MYO9A: variants seen among roughly 807,000 people sequenced by gnomAD.
MYO9A encodes the protein unconventional myosin-IXa.
A neutral mutation model predicts 293.3 loss-of-function variants in MYO9A; 103 were observed. The observed-to-expected ratio is 0.35, with a 90% CI of 0.30 to 0.41. MYO9A has a LOEUF of 0.41. Among genes scored for constraint, MYO9A ranks in the 10% least tolerant of loss-of-function variants. The probability of loss-of-function intolerance (pLI) is 1.00; values close to 1 mark genes in which losing one functional copy is unlikely to be tolerated. For synonymous variants in MYO9A, 1,001 were observed against 1,035.7 expected, an observed-to-expected ratio of 0.97 and a Z score of 0.64; for missense variants, 2,685 against 3,033.0, an observed-to-expected ratio of 0.89 and a Z score of 2.69.
At position 71,854,082 on chromosome 15, in the gene MYO9A, T is replaced by C. The variant is rs191378072; in HGVS notation, c.6346+295A>G. Among the ~76,000 whole-genome samples the C allele has an allele frequency of 6.4e-3, 972 of 152,326 alleles. 9 individuals are homozygous for C. Among genetic ancestry groups the C allele is most frequent in the Non-Finnish European group, 7.5e-3 (507 of 68,028 alleles). The stretch of plus-strand genomic sequence containing the variant: ...AGCAGCTCATTATTTAATTTCCCTA[T>C]ACCTTAGTTTTTCTCTTTGTCAATC... On this transcript the variant is annotated intron_variant, in intron 35 of 41. Coordinates refer to ENST00000356056, the MANE Select transcript of MYO9A (RefSeq NM_006901.4).
rs1172759885 is a variant in MYO9A at position 71,928,056 on chromosome 15, A to ATTTT, written c.2562+5610_2562+5613dup. On this transcript the variant is annotated intron_variant, in intron 18 of 41. Transcript: ENST00000356056. ...TATATATATATATATATATATATAT[A>ATTTT]TTTTTTTTTTTTTTTTTTTTTTTTT... 2.2e-3 allele frequency among the ~76,000 whole-genome samples: 13 copies of ATTTT among 6,042 alleles called. 4 individuals carry two copies. Among genetic ancestry groups the ATTTT allele is most frequent in the Non-Finnish European group, 4.0e-3 (7 of 1,738 alleles). 4.0% of individuals were successfully genotyped at this position (6,042 alleles called of 152,430 possible).
At chr15:71,921,824 TTA>T (rs1017413816) in intron 18 of MYO9A, among the ~76,000 whole-genome samples, 3 of 152,154 alleles carry the variant, frequency 2.0e-5, no homozygotes, top group Non-Finnish European at 2.9e-5. Flanking sequence ...ACACTATAAG[TTA>T]TGACATATTT....
rs931564535 is a variant in MYO9A, at chr15:71,823,497, G to C, written c.*3083C>G. On this transcript the variant is annotated 3_prime_UTR_variant, in exon 42 of 42. Coordinates refer to ENST00000356056, the MANE Select transcript of MYO9A (RefSeq NM_006901.4). Reference sequence around the variant, plus strand: ...CTGCAAGGCTCATAGTTGGAGGGCTGTATCTCCCTTTGTGTTTTCAGAAGC... The same window carrying C: ...CTGCAAGGCTCATAGTTGGAGGGCTCTATCTCCCTTTGTGTTTTCAGAAGC... 6.6e-6 allele frequency: 1 copy of C among 152,184 alleles called. No homozygotes were observed. The highest frequency in any genetic ancestry group is 1.5e-5 in the Non-Finnish European group (1 of 68,040). 9.4% of individuals were successfully genotyped at this position (152,184 alleles called of 1,614,324 possible).
At chr15:71,908,592 C>G (rs190459098) in intron 19 of MYO9A, among the ~76,000 whole-genome samples, 13 of 152,276 alleles carry the variant, frequency 8.5e-5, no homozygotes, top group African/African-American at 3.1e-4. Context: ...TCCCTTCCTC[C>G]TCTTACTCCC....
intron 18 of MYO9A, among the ~76,000 whole-genome samples, chr15:71,928,404 C>G (rs1295152826): frequency 1.3e-5 from 2 of 151,580 alleles, no homozygotes; most frequent in Non-Finnish European, 2.9e-5. Flanking sequence ...TCTTTTTGTT[C>G]AAGATTGCTT....
intron 19 of MYO9A, among the ~76,000 whole-genome samples, chr15:71,915,333 T>G (rs1346427304): frequency 6.6e-6 from 1 of 151,934 alleles, no homozygotes; most frequent in Non-Finnish European, 1.5e-5. Context: ...TTTTTAAAAT[T>G]CATGGCAGTG....
At chr15:71,932,315 C>G (rs2058500900) in intron 18 of MYO9A, among the ~76,000 whole-genome samples, 1 of 152,034 alleles carries the variant, frequency 6.6e-6, no homozygotes, top group Non-Finnish European at 1.5e-5. Context: ...TTTCAGTGGT[C>G]TAGAGACTCA....
chr15:71,873,173 C>A (rs2142151553), intron 32 of MYO9A, among the ~76,000 whole-genome samples: 1 of 152,228 alleles, frequency 6.6e-6, no homozygotes, highest in Middle Eastern at 3.4e-3. Flanking sequence ...CCTGCCTCAG[C>A]CTCCCAAAGT....
At chr15:72,056,026 G>A (rs1045915440) in intron 1 of MYO9A, among the ~76,000 whole-genome samples, 7 of 152,154 alleles carry the variant, frequency 4.6e-5, no homozygotes, top group South Asian at 2.1e-4. Flanking sequence ...TCAGGAGTTC[G>A]AGACCACCCT....
At chr15:71,849,374 G>C (rs2055535971) in intron 38 of MYO9A, among the ~76,000 whole-genome samples, 2 of 152,018 alleles carry the variant, frequency 1.3e-5, no homozygotes, top group South Asian at 4.1e-4. Context: ...GCTTAAACCT[G>C]GGAGGTGGAG....
chr15:71,905,050 A>G (rs1329301684), intron 19 of MYO9A, 44 bp from the exon 20 acceptor site: 1 of 1,465,816 alleles, frequency 6.8e-7, no homozygotes, highest in Non-Finnish European at 9.4e-7. Context: ...TCCATTCCAA[A>G]CTATTAACAA....
rs1165071714 is a variant in MYO9A, at chr15:71,826,570, A to C, written c.*10T>G. ...ACTCTGTAGCCACGGAGGGACACAC[A>C]TCTGCCGGTTCAGACCATAAATTCA... On this transcript the variant is annotated 3_prime_UTR_variant, in exon 42 of 42. Coordinates refer to ENST00000356056, the MANE Select transcript of MYO9A (RefSeq NM_006901.4). The C allele has an allele frequency of 1.3e-6, 2 of 1,567,954 alleles. No homozygotes were observed. Among genetic ancestry groups the C allele is most frequent in the Admixed American group, 3.9e-5 (2 of 51,466 alleles).
At chr15:72,113,023 G>C (rs1379152014) in intron 1 of MYO9A, among the ~76,000 whole-genome samples, 1 of 152,150 alleles carries the variant, frequency 6.6e-6, no homozygotes, top group Non-Finnish European at 1.5e-5. Flanking sequence ...TCTAGTCCAG[G>C]AGTTTAAGAC....
rs568532502 is a variant in MYO9A at position 71,848,096 on chromosome 15, G to A, written c.6837+749C>T. On this transcript the variant is annotated intron_variant, in intron 39 of 41. Transcript: ENST00000356056. ...TTTTATTTTACAACTGAGAGGAAGG[G>A]TGGCAAATGGGCAATAAATAAACCT... 4.6e-5 allele frequency among the ~76,000 whole-genome samples: 7 copies of A among 152,052 alleles called. No individual in the cohort carries two copies. In the East Asian group the frequency reaches 9.7e-4, roughly 21 times the overall value.
At chr15:71,984,812 C>A (rs1256882960) in intron 11 of MYO9A, among the ~76,000 whole-genome samples, 3 of 152,120 alleles carry the variant, frequency 2.0e-5, no homozygotes, top group Non-Finnish European at 4.4e-5. Flanking sequence ...AAATATTGCA[C>A]CTTATTTTTT....
intron 32 of MYO9A, among the ~76,000 whole-genome samples, chr15:71,867,838 ACACACACACACG>A (rs2056386342): frequency 6.7e-6 from 1 of 148,956 alleles, no homozygotes; most frequent in East Asian, 2.0e-4. Context: ...ACACACACAC[ACACACACACACG>A]GTTATTCATT....
At chr15:71,944,072 C>T (rs986668105) in intron 15 of MYO9A, among the ~76,000 whole-genome samples, 1 of 152,016 alleles carries the variant, frequency 6.6e-6, no homozygotes, top group Non-Finnish European at 1.5e-5. Context: ...TATTAGTGAC[C>T]TTAGTCAGAT....
rs1239486744 is a variant in MYO9A, at chr15:71,917,554, C to A, written c.2563-1062G>T. 1.3e-5 allele frequency among the ~76,000 whole-genome samples: 2 copies of A among 151,816 alleles called. 1 individual carries two copies. ...TGTCAAAAACAAAAAACAAAAAAACCAAAGCATAGTCCCTATTAACCCTCA... is the reference window on the plus strand; with the variant it reads ...TGTCAAAAACAAAAAACAAAAAAACAAAAGCATAGTCCCTATTAACCCTCA... On this transcript the variant is annotated intron_variant, in intron 18 of 41. Coordinates refer to ENST00000356056, the MANE Select transcript of MYO9A (RefSeq NM_006901.4).
At chr15:71,970,068 T>A (rs573327994) in intron 12 of MYO9A, among the ~76,000 whole-genome samples, 1 of 152,230 alleles carries the variant, frequency 6.6e-6, no homozygotes, top group Non-Finnish European at 1.5e-5. Context: ...CTGCCTTAAA[T>A]GAATGCTCTA....
Sources: allele counts gnomAD v4.1 joint callset (sites outside exome capture counted in the v4.1 genomes callset), GRCh38; gene constraint gnomAD v4.1.1; transcripts MANE v1.5; gene names NCBI Gene and HGNC (gene_info 2026-07-23, HGNC 2026-07-21).